The following SH3BGR variants were observed in gnomAD, a reference collection of about 807,000 sequenced individuals.
SH3BGR encodes SH3 domain-binding glutamic acid-rich protein.
Under a neutral mutation model 24.5 loss-of-function variants are expected in SH3BGR, and 29 were observed. The ratio of observed to expected loss-of-function variants is 1.18; its 90% CI spans 0.88 to 1.61. The LOEUF (loss-of-function observed/expected upper bound fraction) is 1.61, where lower values mean the gene tolerates loss of function less well. SH3BGR is among the 40% of genes most tolerant of loss of function. The pLI is 0.00. For synonymous variants in SH3BGR, 55 were observed against 65.7 expected (o/e 0.84, Z 0.79); for missense variants, 162 against 205.8 (o/e 0.79, Z 1.30).
chr21:39,498,645 A>G (rs1041432615), intron 3 of SH3BGR, among the ~76,000 whole-genome samples: 1 of 152,216 alleles, frequency 6.6e-6, no homozygotes, highest in African/African-American at 2.4e-5. Flanking sequence ...TCCCTTCCCA[A>G]TGGTGATGTA....
intron 1 of SH3BGR, among the ~76,000 whole-genome samples, chr21:39,459,918 A>G (rs760199594): frequency 2.0e-5 from 3 of 152,192 alleles, no homozygotes; most frequent in Admixed American, 6.5e-5. Context: ...AATGGGGTCC[A>G]CACAGTCTGC....
intron 2 of SH3BGR, among the ~76,000 whole-genome samples, chr21:39,469,926 G>T (rs1385403816): frequency 6.6e-6 from 1 of 152,036 alleles, no homozygotes; most frequent in Non-Finnish European, 1.5e-5. Flanking sequence ...AAAGTGCAGG[G>T]ATTATGGACG....
chr21:39,489,294 C>T (rs1180222684), intron 3 of SH3BGR, among the ~76,000 whole-genome samples: 1 of 152,150 alleles, frequency 6.6e-6, no homozygotes, highest in East Asian at 1.9e-4. Flanking sequence ...AAGGGTGCTG[C>T]CTGAGGACTA....
At chr21:39,488,564 C>T in intron 3 of SH3BGR, 1 of 309,216 alleles carries the variant, frequency 3.2e-6, no homozygotes, top group Non-Finnish European at 5.8e-6. Context: ...TGGCCAGGAA[C>T]AAGGACTAGG....
At chr21:39,496,934 TA>T (rs1470751047) in intron 3 of SH3BGR, among the ~76,000 whole-genome samples, 7 of 152,128 alleles carry the variant, frequency 4.6e-5, no homozygotes, top group African/African-American at 1.7e-4. Flanking sequence ...ATCAAAATTC[TA>T]TTTTTTAATT....
At chr21:39,485,686 C>CTT (rs71330369) in intron 3 of SH3BGR, among the ~76,000 whole-genome samples, 17 of 116,752 alleles carry the variant, frequency 1.5e-4, no homozygotes, top group Admixed American at 1.9e-4. Flanking sequence ...AAGTTGTTTT[C>CTT]TTTTTTTTTT....
chr21:39,499,583 A>G (rs1198260854), intron 3 of SH3BGR, among the ~76,000 whole-genome samples: 7 of 152,086 alleles, frequency 4.6e-5, no homozygotes, highest in South Asian at 4.2e-4. Flanking sequence ...GAAACTCCTC[A>G]CTTAGGCAGT....
At chr21:39,501,024 G>C (rs1388322824) in intron 4 of SH3BGR, among the ~76,000 whole-genome samples, 1 of 152,212 alleles carries the variant, frequency 6.6e-6, no homozygotes. Flanking sequence ...CTAGAAGTTA[G>C]ACGGTGTTTC....
intron 2 of SH3BGR, among the ~76,000 whole-genome samples, chr21:39,468,946 T>G (rs1299643855): frequency 6.6e-6 from 1 of 152,128 alleles, no homozygotes; most frequent in African/African-American, 2.4e-5. Flanking sequence ...ATGGACTGTT[T>G]AGGCTTTCTA....
intron 4 of SH3BGR, among the ~76,000 whole-genome samples, chr21:39,500,765 G>A (rs1224962557): frequency 2.6e-5 from 4 of 152,090 alleles, no homozygotes; most frequent in Non-Finnish European, 4.4e-5. Flanking sequence ...TTTTATGAGA[G>A]CTGGATCCTC....
upstream of SH3BGR, among the ~76,000 whole-genome samples, chr21:39,450,936 C>T (rs987777765): frequency 1.3e-5 from 2 of 151,942 alleles, no homozygotes; most frequent in South Asian, 4.2e-4. Flanking sequence ...CCTTCCAAGT[C>T]GCTGGAAATA....
At chr21:39,470,864 G>A (rs942838294) in intron 2 of SH3BGR, among the ~76,000 whole-genome samples, 11 of 150,678 alleles carry the variant, frequency 7.3e-5, no homozygotes, top group African/African-American at 2.7e-4. Flanking sequence ...GTTTTTGTTT[G>A]TTTAAAAAAA....
chr21:39,488,720 T>C, intron 3 of SH3BGR: 2 of 460,432 alleles, frequency 4.3e-6, no homozygotes, highest in East Asian at 1.2e-4. Context: ...GAGGCAGAAG[T>C]AGAGATGCTG....
At chr21:39,458,729 C>T (rs2077706176) in intron 1 of SH3BGR, among the ~76,000 whole-genome samples, 1 of 151,580 alleles carries the variant, frequency 6.6e-6, no homozygotes, top group Non-Finnish European at 1.5e-5. Flanking sequence ...TTACTGCAAC[C>T]TCTGCCTCCG....
chr21:39,492,466 G>GTGTGTATATA (rs1404293146), intron 3 of SH3BGR, among the ~76,000 whole-genome samples: 2,431 of 139,044 alleles, frequency 0.017, 30 homozygotes, highest in Middle Eastern at 0.044. Flanking sequence ...GTGTGTGTGT[G>GTGTGTATATA]TATATATATA....
rs559613163 is a variant in SH3BGR at position 39,446,785 on chromosome 21, G to T, written c.-100+704G>T. On this transcript the variant is annotated intron_variant, in intron 1 of 6. Transcript: ENST00000380631. Reference sequence around the variant, plus strand: ...AGGACTTTTGATGCTTGAAAACTTGGCTTGTGATATACGTTGCAAATATTT... The same window carrying T: ...AGGACTTTTGATGCTTGAAAACTTGTCTTGTGATATACGTTGCAAATATTT... 3.3e-5 allele frequency among the ~76,000 whole-genome samples: 5 copies of T among 152,144 alleles called. No homozygotes were observed. The East Asian group carries it at 9.7e-4, about 29-fold the overall frequency.
Position 39,462,490 on chromosome 21 carries a change from C to G in SH3BGR, c.161C>G (p.Pro54Arg). The change falls in exon 2 of 7, where the codon CCT becomes CGT. Residue 54 changes from proline to arginine, a missense_variant. By Grantham distance (103) the Pro-to-Arg change is moderately radical. Transcript: ENST00000333634. Reference sequence around the variant, plus strand: ...AGGAGGTGGATGAGAGAGAATGTTCCTGGAGAGAAAAAACCTCAAAATGGG... The same window carrying G: ...AGGAGGTGGATGAGAGAGAATGTTCGTGGAGAGAAAAAACCTCAAAATGGG... ...DNRRWMRENVPGEKKPQNGIP... is the reference protein window; with the variant it reads ...DNRRWMRENVRGEKKPQNGIP... 6.2e-7 allele frequency: 1 copy of G among 1,610,028 alleles called. No individual in the cohort carries two copies. The highest frequency in any genetic ancestry group is 8.5e-7 in the Non-Finnish European group (1 of 1,179,186).
At chr21:39,454,137 A>G (rs3827209) in intron 1 of SH3BGR, among the ~76,000 whole-genome samples, 137,521 of 152,220 alleles carry the variant, frequency 0.9, 62,183 homozygotes, top group African/African-American at 0.93. Context: ...TATCCCTGCG[A>G]TGTCAGTGCT....
rs570606883 is a variant in SH3BGR, at chr21:39,512,306, T to C, written c.*34+497T>C. On this transcript the variant is annotated intron_variant, in intron 6 of 6. Coordinates refer to ENST00000333634, the MANE Select transcript of SH3BGR (RefSeq NM_007341.3). ...TTGAGTCATGAAAGAAAATTATTGC[T>C]GCCACGGGTTTAGTCGTCAGTGCTT... 1.0e-3 allele frequency among the ~76,000 whole-genome samples: 152 copies of C among 152,282 alleles called. 4 individuals are homozygous for C. In the South Asian group the frequency reaches 0.028, roughly 28 times the overall value.
Sources: gnomAD v4.1 joint callset for allele counts (sites outside exome capture counted in the v4.1 genomes callset) on GRCh38, gnomAD v4.1.1 for gene constraint, MANE v1.5 for transcripts, NCBI Gene and HGNC (gene_info 2026-07-23, HGNC 2026-07-21) for gene names.